Variants in TRIM5 observed in about 807,000 individuals in gnomAD.
TRIM5 encodes the protein tripartite motif-containing protein 5.
Under a neutral mutation model 35.6 loss-of-function variants are expected in TRIM5, and 31 were observed. The observed-to-expected ratio is 0.87, with a 90% CI of 0.65 to 1.18. The LOEUF (loss-of-function observed/expected upper bound fraction) is 1.18. Ranked by LOEUF, TRIM5 falls within the 50% of genes most tolerant of loss-of-function variation. TRIM5 has a pLI of 0.00. For missense variants in TRIM5, 609 were observed against 591.6 expected, an observed-to-expected ratio of 1.03 and a Z score of -0.31; for synonymous variants, 243 against 215.6, an observed-to-expected ratio of 1.13 and a Z score of -1.11.
intron 6 of TRIM5, 97 bp from the exon 7 acceptor site, chr11:5,665,779 A>G: frequency 6.8e-7 from 1 of 1,463,148 alleles, no homozygotes; most frequent in Non-Finnish European, 9.0e-7. Context: ...GGTATGCCCT[A>G]TGGTAGGGCA....
chr11:5,641,351 TC>T, the TRIM5 span: 1 of 1,471,546 alleles, frequency 6.8e-7, no homozygotes, highest in Non-Finnish European at 9.1e-7. Context: ...ATTTGAGTGT[TC>T]CGTAACTATT....
At chr11:5,639,678 T>TAAAA in the TRIM5 span, among the ~76,000 whole-genome samples, 2 of 16,736 alleles carry the variant, frequency 1.2e-4, no homozygotes, top group Non-Finnish European at 5.2e-4. Context: ...AGACTCTATT[T>TAAAA]CAAAAAAAAA....
At chr11:5,621,447 A>G in the TRIM5 span, among the ~76,000 whole-genome samples, 13 of 152,334 alleles carry the variant, frequency 8.5e-5, no homozygotes, top group African/African-American at 2.6e-4. Context: ...GTACATGCCC[A>G]TGGAAATAGC....
At chr11:5,633,697 T>A in the TRIM5 span, 1 of 1,112,684 alleles carries the variant, frequency 9.0e-7, no homozygotes, top group Non-Finnish European at 1.2e-6. Flanking sequence ...TCACAGTTTC[T>A]GTAAATTGCT....
At chr11:5,607,086 C>T in the TRIM5 span, among the ~76,000 whole-genome samples, 4 of 152,056 alleles carry the variant, frequency 2.6e-5, no homozygotes, top group South Asian at 2.1e-4. Context: ...CGCCTGTAGT[C>T]CCAGCTACTC....
At chr11:5,605,789 G>T in the TRIM5 span, among the ~76,000 whole-genome samples, 14 of 152,312 alleles carry the variant, frequency 9.2e-5, no homozygotes, top group East Asian at 2.7e-3. Context: ...ATTTATAAAG[G>T]GTTGTCTAAA....
the TRIM5 span, among the ~76,000 whole-genome samples, chr11:5,618,331 C>T: frequency 6.6e-6 from 1 of 152,114 alleles, no homozygotes; most frequent in Admixed American, 6.5e-5. Context: ...GATCACACCA[C>T]TGCACTCCAG....
chr11:5,617,121 C>T, the TRIM5 span, among the ~76,000 whole-genome samples: 1 of 140,602 alleles, frequency 7.1e-6, no homozygotes, highest in Non-Finnish European at 1.5e-5. Flanking sequence ...AATATTGATT[C>T]ATTTTTATCC....
chr11:5,623,629 C>T, the TRIM5 span, among the ~76,000 whole-genome samples: 1 of 151,798 alleles, frequency 6.6e-6, no homozygotes, highest in Admixed American at 6.6e-5. Context: ...ATCCGCCCGC[C>T]TCAACCTCCC....
At chr11:5,647,995 G>A in the TRIM5 span, among the ~76,000 whole-genome samples, 1 of 152,056 alleles carries the variant, frequency 6.6e-6, no homozygotes. Context: ...GGTAGTTTTA[G>A]AATGCTCAAA....
chr11:5,674,719 G>C (rs1851815613), intron 4 of TRIM5, among the ~76,000 whole-genome samples: 1 of 152,258 alleles, frequency 6.6e-6, no homozygotes, highest in Non-Finnish European at 1.5e-5. Context: ...AGTTGTGTTG[G>C]AACAACTGGA....
At chr11:5,662,131 G>A (rs918434640), downstream of TRIM5, among the ~76,000 whole-genome samples, 9 of 152,212 alleles carry the variant, frequency 5.9e-5, no homozygotes, top group African/African-American at 1.9e-4. Context: ...AGAGAGGTGT[G>A]TGCACACACA....
At chr11:5,611,386 T>C in the TRIM5 span, 8 of 1,412,676 alleles carry the variant, frequency 5.7e-6, no homozygotes, top group Non-Finnish European at 7.9e-6. Flanking sequence ...ACCCTGAGGC[T>C]TATCAGCATG....
the TRIM5 span, chr11:5,634,530 C>CATATATATATATATATATATATATAT: frequency 4.9e-6 from 1 of 203,918 alleles, no homozygotes; most frequent in African/African-American, 3.4e-5. Context: ...CACACACACA[C>CATATATATATATATATATATATATAT]ATATATATAT....
At chr11:5,645,058 G>T in the TRIM5 span, among the ~76,000 whole-genome samples, 13 of 152,164 alleles carry the variant, frequency 8.5e-5, no homozygotes, top group African/African-American at 2.9e-4. Context: ...AAAAATTTAA[G>T]TTAGTACAAC....
At chr11:5,647,957 T>A in the TRIM5 span, among the ~76,000 whole-genome samples, 1 of 152,072 alleles carries the variant, frequency 6.6e-6, no homozygotes, top group Admixed American at 6.5e-5. Context: ...CCACCCAAAT[T>A]TTATACCATA....
At chr11:5,652,207 AC>A in the TRIM5 span, among the ~76,000 whole-genome samples, 13 of 151,920 alleles carry the variant, frequency 8.6e-5, no homozygotes, top group Admixed American at 6.6e-4. Flanking sequence ...TGTTGCAATT[AC>A]TTTTGGAGTC....
At chr11:5,621,074 C>G in the TRIM5 span, among the ~76,000 whole-genome samples, 2 of 152,156 alleles carry the variant, frequency 1.3e-5, no homozygotes, top group African/African-American at 4.8e-5. Flanking sequence ...ACACACATTC[C>G]TATCTCCAGC....
chr11:5,665,295 T>G lies in TRIM5; in HGVS notation c.996A>C (p.Arg332=). 1 of 1,614,180 alleles carries G rather than the reference T, an allele frequency of 6.2e-7. No homozygotes were observed. Among genetic ancestry groups the G allele is most frequent in the Non-Finnish European group, 8.5e-7 (1 of 1,180,038 alleles). The part of the protein sequence containing the change: ...SPKPQIIYGA[R]GTRYQTFVNF... ...TCACAAATGTCTGGTATCTTGTCCC[T>G]CGTGCCCCATATATTATCTGTGGTT... Residue 332 remains arginine (R), a synonymous_variant, in exon 8 of 8, where the codon CGA becomes CGC. Coordinates refer to ENST00000380034, the MANE Select transcript of TRIM5 (RefSeq NM_033034.3).
Sources: gnomAD v4.1 joint callset for allele counts (sites outside exome capture counted in the v4.1 genomes callset) on GRCh38, gnomAD v4.1.1 for gene constraint, MANE v1.5 for transcripts, NCBI Gene and HGNC (gene_info 2026-07-23, HGNC 2026-07-21) for gene names.